RCAN2: variants seen among roughly 807,000 people sequenced by gnomAD.
RCAN2 encodes the protein regulator of calcineurin 2, also known as calcipressin-2.
A neutral mutation model predicts 23.6 loss-of-function variants in RCAN2; 9 were observed. The ratio of observed to expected loss-of-function variants is 0.38; its 90% confidence interval spans 0.23 to 0.67. The LOEUF is 0.67. Among genes scored for constraint, RCAN2 ranks in the 30% least tolerant of loss-of-function variants. RCAN2 has a pLI of 0.51. For synonymous variants in RCAN2, 109 were observed against 115.7 expected, an observed-to-expected ratio of 0.94 and a Z score of 0.37; for missense variants, 273 against 302.3, an observed-to-expected ratio of 0.90 and a Z score of 0.72.
chr6:46,382,601 C>A (rs1765640560), intron 2 of RCAN2, among the ~76,000 whole-genome samples: 1 of 152,156 alleles, frequency 6.6e-6, no homozygotes, highest in South Asian at 2.1e-4. Context: ...CACCACATTG[C>A]ATATTTAGGA....
intron 2 of RCAN2, among the ~76,000 whole-genome samples, chr6:46,250,713 A>G (rs1338762458): frequency 1.3e-5 from 2 of 152,236 alleles, no homozygotes; most frequent in Admixed American, 1.3e-4. Context: ...TCAGGTTGAT[A>G]GGAGGAGATG....
chr6:46,272,295 C>T (rs1038724558), intron 2 of RCAN2, among the ~76,000 whole-genome samples: 4 of 152,194 alleles, frequency 2.6e-5, no homozygotes, highest in African/African-American at 7.2e-5. Context: ...TTTACAAGGG[C>T]GTTCTACTTC....
chr6:46,424,989 T>C (rs982225539), intron 2 of RCAN2, among the ~76,000 whole-genome samples: 2 of 152,116 alleles, frequency 1.3e-5, no homozygotes, highest in Non-Finnish European at 2.9e-5. Flanking sequence ...CAGGAACAAA[T>C]AATTGTATAA....
intron 2 of RCAN2, among the ~76,000 whole-genome samples, chr6:46,326,907 A>G (rs1188076296): frequency 2.6e-5 from 4 of 152,090 alleles, no homozygotes; most frequent in Admixed American, 2.6e-4. Context: ...TTCTATGCTA[A>G]AGGTAATCAG....
chr6:46,261,715 T>C lies in RCAN2; in HGVS notation c.226-12819A>G, dbSNP rs563889993. Among the ~76,000 whole-genome samples the C allele has an allele frequency of 1.1e-4, 16 of 152,288 alleles. No homozygotes were observed. The South Asian group carries it at 3.1e-3, about 30-fold the overall frequency. On this transcript the variant is annotated intron_variant, in intron 2 of 4. Transcript: ENST00000371374. ...TGTCAGCAAAATGTCTCCTATGAAA[T>C]CAACTCTAATTAAACTAACTTGATT... is the stretch of plus-strand genomic sequence containing the variant.
At chr6:46,271,542 T>C (rs574924759) in intron 2 of RCAN2, among the ~76,000 whole-genome samples, 1 of 152,282 alleles carries the variant, frequency 6.6e-6, no homozygotes, top group Non-Finnish European at 1.5e-5. Flanking sequence ...CCATCTCAGC[T>C]ACCCAACCAC....
At chr6:46,305,714 C>T (rs1242535482) in intron 2 of RCAN2, among the ~76,000 whole-genome samples, 2 of 152,004 alleles carry the variant, frequency 1.3e-5, no homozygotes, top group Non-Finnish European at 1.5e-5. Context: ...TCTCTGTTAG[C>T]CATGGAGCTG....
intron 2 of RCAN2, among the ~76,000 whole-genome samples, chr6:46,343,113 T>A (rs1480723099): frequency 1.3e-5 from 2 of 151,834 alleles, no homozygotes; most frequent in Non-Finnish European, 2.9e-5. Flanking sequence ...CTCCTAAAAT[T>A]CTAAATTAAA....
chr6:46,248,568 T>C (rs144863517), intron 3 of RCAN2, among the ~76,000 whole-genome samples, 155 bp downstream of exon 3: 3 of 152,256 alleles, frequency 2.0e-5, no homozygotes, highest in African/African-American at 7.2e-5. Context: ...CACTAAGCTG[T>C]TTCTGTCTGG....
intron 2 of RCAN2, among the ~76,000 whole-genome samples, chr6:46,318,917 A>G (rs1364577756): frequency 6.6e-6 from 1 of 152,190 alleles, no homozygotes; most frequent in African/African-American, 2.4e-5. Context: ...AACTTTGACA[A>G]TTAACTCTCC....
chr6:46,288,187 C>T (rs144177193), intron 2 of RCAN2, among the ~76,000 whole-genome samples: 1 of 152,276 alleles, frequency 6.6e-6, no homozygotes, highest in Non-Finnish European at 1.5e-5. Flanking sequence ...CCAGAGAGGA[C>T]CTGCACAAAC....
intron 2 of RCAN2, among the ~76,000 whole-genome samples, chr6:46,386,563 G>C (rs147425762): frequency 7.0e-6 from 1 of 143,480 alleles, no homozygotes; most frequent in Non-Finnish European, 1.5e-5. Context: ...AGCCGAGATC[G>C]CGCCACTGTA....
chr6:46,284,988 T>C (rs557868901), intron 2 of RCAN2, among the ~76,000 whole-genome samples: 91 of 152,382 alleles, frequency 6.0e-4, no homozygotes, highest in Middle Eastern at 3.4e-3. Context: ...AATCAGATTC[T>C]GTACCACACA....
chr6:46,257,761 A>C (rs1766968262), intron 2 of RCAN2, among the ~76,000 whole-genome samples: 1 of 152,086 alleles, frequency 6.6e-6, no homozygotes, highest in Non-Finnish European at 1.5e-5. Context: ...ATTACCTAGA[A>C]AGCAACTGAA....
intron 2 of RCAN2, among the ~76,000 whole-genome samples, chr6:46,426,416 G>C (rs1387254172): frequency 6.6e-6 from 1 of 152,084 alleles, no homozygotes; most frequent in Non-Finnish European, 1.5e-5. Flanking sequence ...GGAATTTTTG[G>C]ATAAATGTTA....
At chr6:46,289,187 T>C (rs575097009) in intron 2 of RCAN2, among the ~76,000 whole-genome samples, 1 of 152,334 alleles carries the variant, frequency 6.6e-6, no homozygotes, top group East Asian at 1.9e-4. Context: ...CTTCCTCTCC[T>C]ACATGGACCT....
chr6:46,371,271 TA>T (rs1288414831), intron 2 of RCAN2, among the ~76,000 whole-genome samples: 1 of 152,076 alleles, frequency 6.6e-6, no homozygotes, highest in Admixed American at 6.5e-5. Context: ...GAATTCCCAC[TA>T]AAAAATGGTA....
chr6:46,291,663 C>A (rs1762566823), intron 2 of RCAN2, among the ~76,000 whole-genome samples: 2 of 150,062 alleles, frequency 1.3e-5, no homozygotes, highest in South Asian at 4.2e-4. Context: ...TCCCCACAGA[C>A]AAGATCACCC....
chr6:46,444,903 C>T (rs529834093), intron 2 of RCAN2, among the ~76,000 whole-genome samples: 241 of 152,260 alleles, frequency 1.6e-3, no homozygotes, highest in African/African-American at 5.6e-3. Context: ...GCTGCATATC[C>T]GGCCCCCAGG....
Sources: gnomAD v4.1 joint callset for allele counts (sites outside exome capture counted in the v4.1 genomes callset) on GRCh38, gnomAD v4.1.1 for gene constraint, MANE v1.5 for transcripts, NCBI Gene and HGNC (gene_info 2026-07-23, HGNC 2026-07-21) for gene names.